TRIP12: variants seen among roughly 807,000 people sequenced by gnomAD.
The protein encoded by TRIP12 is E3 ubiquitin-protein ligase TRIP12.
TRIP12 carries 25 observed loss-of-function variants against 244.2 expected under a neutral mutation model. The observed-to-expected ratio is 0.10, with a 90% confidence interval of 0.07 to 0.14. The LOEUF (loss-of-function observed/expected upper bound fraction) is 0.14. Among genes scored for constraint, TRIP12 ranks in the 10% least tolerant of loss-of-function variants. TRIP12 has a pLI of 1.00. For synonymous variants in TRIP12, 905 were observed against 873.1 expected (o/e 1.04, Z -0.64); for missense variants, 1,677 against 2,486.4 (o/e 0.67, Z 6.92).
chr2:229,922,330 G>A, upstream of TRIP12: 2 of 610,060 alleles, frequency 3.3e-6, no homozygotes, highest in South Asian at 4.0e-5. Flanking sequence ...CCGGGACCTG[G>A]AGCTGGAAAT....
At chr2:229,784,943 A>T (rs2039517292) in intron 34 of TRIP12, among the ~76,000 whole-genome samples, 1 of 152,236 alleles carries the variant, frequency 6.6e-6, no homozygotes, top group Non-Finnish European at 1.5e-5. Context: ...CAAAGAAGTA[A>T]AAACATGTGT....
intron 20 of TRIP12, among the ~76,000 whole-genome samples, chr2:229,802,754 C>T (rs1276109866): frequency 6.6e-6 from 1 of 152,136 alleles, no homozygotes; most frequent in Non-Finnish European, 1.5e-5. Context: ...GTTCAAAATA[C>T]TCATTATAAA....
chr2:229,801,094 T>C (rs1013960699), intron 21 of TRIP12, among the ~76,000 whole-genome samples: 1 of 152,078 alleles, frequency 6.6e-6, no homozygotes, highest in Non-Finnish European at 1.5e-5. Context: ...TGGGTAGGAA[T>C]GGGGCTGGGA....
intron 4 of TRIP12, among the ~76,000 whole-genome samples, chr2:229,852,711 AG>A (rs1431630205): frequency 6.6e-6 from 1 of 152,220 alleles, no homozygotes; most frequent in Non-Finnish European, 1.5e-5. Flanking sequence ...GCAATGCTTC[AG>A]GAAGTCTATC....
chr2:229,917,325 G>A (rs1418169238), intron 1 of TRIP12, among the ~76,000 whole-genome samples: 1 of 126,390 alleles, frequency 7.9e-6, no homozygotes, highest in African/African-American at 3.0e-5. Flanking sequence ...AGCCTGCAGT[G>A]AGCCAAGATC....
intron 15 of TRIP12, among the ~76,000 whole-genome samples, chr2:229,809,635 T>G (rs928647222): frequency 6.6e-6 from 1 of 152,154 alleles, no homozygotes; most frequent in Non-Finnish European, 1.5e-5. Context: ...GTAAGTAAAA[T>G]GAATTGCGGA....
At chr2:229,774,728 C>A (rs1418604694) in intron 37 of TRIP12, among the ~76,000 whole-genome samples, 3 of 151,758 alleles carry the variant, frequency 2.0e-5, no homozygotes, top group Non-Finnish European at 1.5e-5. Context: ...TCTACCCCTG[C>A]AAAGCTCAAG....
At chr2:229,815,566 C>T (rs2048295343) in intron 9 of TRIP12, among the ~76,000 whole-genome samples, 1 of 152,062 alleles carries the variant, frequency 6.6e-6, no homozygotes, top group Admixed American at 6.6e-5. Context: ...ACAAACAAAG[C>T]CTTCTTGTTA....
chr2:229,899,688 G>C (rs2070048070), intron 1 of TRIP12, among the ~76,000 whole-genome samples: 2 of 152,188 alleles, frequency 1.3e-5, no homozygotes, highest in South Asian at 4.1e-4. Context: ...ACACATTCCA[G>C]GAAGAGCTGG....
chr2:229,777,335 G>T lies in TRIP12; in HGVS notation c.5509C>A (p.Leu1837Ile), dbSNP rs1203991761. ...CCTACCTGGGATTTATCTTGTTCAA[G>T]TCTTTTCTTCTGTCTGACAATGTCT... is the stretch of plus-strand genomic sequence containing the variant. The part of the protein sequence containing the change: ...LEDIVRQKKR[L>I]EQDKSQTKES... The change falls in exon 37 of 42, where the codon CTT becomes ATT. Residue 1837 changes from leucine to isoleucine, a missense_variant. By Grantham distance (5) the Leu-to-Ile change is conservative. Coordinates refer to ENST00000675903, the MANE Select transcript of TRIP12 (RefSeq NM_001348323.3). The T allele has an allele frequency of 3.7e-6, 6 of 1,612,968 alleles. No homozygotes were observed. In the Admixed American group the frequency reaches 8.3e-5, roughly 22 times the overall value.
intron 2 of TRIP12, among the ~76,000 whole-genome samples, chr2:229,862,095 C>T (rs1209536820): frequency 1.3e-5 from 2 of 152,204 alleles, no homozygotes; most frequent in East Asian, 1.9e-4. Flanking sequence ...TTTGCTCTAT[C>T]GCCCAGGCTG....
At chr2:229,913,176 AC>A (rs1205718819) in intron 1 of TRIP12, among the ~76,000 whole-genome samples, 1 of 152,228 alleles carries the variant, frequency 6.6e-6, no homozygotes, top group Non-Finnish European at 1.5e-5. Context: ...AGATGCTTCA[AC>A]AATTTATTTA....
intron 1 of TRIP12, among the ~76,000 whole-genome samples, chr2:229,902,328 C>T (rs928590272): frequency 6.6e-6 from 1 of 151,970 alleles, no homozygotes; most frequent in Non-Finnish European, 1.5e-5. Flanking sequence ...AGCAGTGAGC[C>T]GAGATCGCGC....
chr2:229,767,357 C>T lies in TRIP12; in HGVS notation c.*197G>A, dbSNP rs1023803486. On this transcript the variant is annotated 3_prime_UTR_variant, in exon 42 of 42. Transcript: ENST00000675903. ...TGCTAAAGAAACCTCATCACAACAA[C>T]GTTTTAGGGCCTGATCACTTTAAGT... 9 of 462,094 alleles carry T rather than the reference C, an allele frequency of 1.9e-5. No individual in the cohort carries two copies. Among genetic ancestry groups the T allele is most frequent in the African/African-American group, 8.1e-5 (4 of 49,590 alleles). The allele number at this position is 462,094 out of a possible 1,614,324, so 28.6% of individuals were successfully genotyped here.
chr2:229,922,669 C>T (rs2076775144), upstream of TRIP12: 1 of 1,557,262 alleles, frequency 6.4e-7, no homozygotes, highest in Admixed American at 1.8e-5. Context: ...GGTTGGGGCC[C>T]GGGACGCAGG....
intron 2 of TRIP12, among the ~76,000 whole-genome samples, chr2:229,863,293 A>C (rs2060780134): frequency 6.6e-6 from 1 of 152,090 alleles, no homozygotes; most frequent in Admixed American, 6.6e-5. Context: ...CTTACCTAAA[A>C]TTATTTTAAA....
At chr2:229,883,804 T>G (rs574398962) in intron 1 of TRIP12, among the ~76,000 whole-genome samples, 1 of 152,344 alleles carries the variant, frequency 6.6e-6, no homozygotes, top group South Asian at 2.1e-4. Context: ...TGACTTTTCA[T>G]TTTATGTGAA....
Position 229,858,885 on chromosome 2 carries a change from G to C in TRIP12, c.914C>G (p.Ala305Gly). 6.2e-7 allele frequency: 1 copy of C among 1,614,194 alleles called. No homozygotes were observed. Among genetic ancestry groups the C allele is most frequent in the Non-Finnish European group, 8.5e-7 (1 of 1,180,026 alleles). ...KTGGSSKFDWAARFSPKVSLP... is the reference protein window; with the variant it reads ...KTGGSSKFDWGARFSPKVSLP... ...GCTAACTTTAGGGCTGAAACGAGCA[G>C]CCCAATCAAATTTTGAAGAGCCACC... The change falls in exon 4 of 42, where the codon GCT (alanine) becomes GGT (glycine). Residue 305 changes from alanine to glycine, a missense_variant. Physicochemically the swap from Ala to Gly is moderately conservative, Grantham distance 60 (BLOSUM62 0). Transcript: ENST00000675903.
chr2:229,770,922 A>G (rs531830475), intron 39 of TRIP12, among the ~76,000 whole-genome samples: 11 of 152,254 alleles, frequency 7.2e-5, no homozygotes, highest in Non-Finnish European at 1.2e-4. Context: ...GTGGAACTCT[A>G]AGTCTAATAA....
Sources: allele counts gnomAD v4.1 joint callset (sites outside exome capture counted in the v4.1 genomes callset), GRCh38; gene constraint gnomAD v4.1.1; transcripts MANE v1.5; gene names NCBI Gene and HGNC (gene_info 2026-07-23, HGNC 2026-07-21).